Variants in CEP250 observed in about 807,000 individuals in gnomAD.
CEP250 encodes centrosome-associated protein CEP250.
Under a neutral mutation model 315.7 loss-of-function variants are expected in CEP250, and 242 were observed. That is an observed-to-expected ratio of 0.77 (90% confidence interval 0.69 to 0.85). The LOEUF (loss-of-function observed/expected upper bound fraction) is 0.85, where lower values mean the gene tolerates loss of function less well. CEP250 is among the 40% of genes least tolerant of loss of function. CEP250 has a pLI of 0.00. For missense variants in CEP250, 2,515 were observed against 2,886.4 expected, an observed-to-expected ratio of 0.87 and a Z score of 2.95; for synonymous variants, 1,088 against 1,175.0, an observed-to-expected ratio of 0.93 and a Z score of 1.51.
Position 35,505,018 on chromosome 20 carries a change from A to T in CEP250, c.6636+13A>T. 6.3e-7 allele frequency: 1 copy of T among 1,584,534 alleles called. No homozygotes were observed. The highest frequency in any genetic ancestry group is 8.6e-7 in the Non-Finnish European group (1 of 1,162,922). On this transcript the variant is annotated intron_variant, in intron 30 of 34. Coordinates refer to ENST00000397527, the MANE Select transcript of CEP250 (RefSeq NM_007186.6). ...GCAAAGGCTGCAGGTAAGTCACTCCATGGGGAGTAAGGGCCAGGGGACACA... is the reference window on the plus strand; with the variant it reads ...GCAAAGGCTGCAGGTAAGTCACTCCTTGGGGAGTAAGGGCCAGGGGACACA...
intron 21 of CEP250, 51 bp downstream of exon 21, chr20:35,490,855 C>A: frequency 6.3e-7 from 1 of 1,585,554 alleles, no homozygotes; most frequent in Non-Finnish European, 8.6e-7. Context: ...GATCTCCTTA[C>A]CTTGACCACT....
At chr20:35,456,931 G>A (rs528035935) in intron 1 of CEP250, among the ~76,000 whole-genome samples, 6 of 152,050 alleles carry the variant, frequency 3.9e-5, no homozygotes, top group Non-Finnish European at 8.8e-5. Context: ...ACAGGCGCCC[G>A]CCACCGTGCC....
At chr20:35,506,437 A>G (rs1443670911) in intron 30 of CEP250, among the ~76,000 whole-genome samples, 1 of 152,190 alleles carries the variant, frequency 6.6e-6, no homozygotes, top group African/African-American at 2.4e-5. Flanking sequence ...TACCCCCGGT[A>G]CTGAGCACAA....
chr20:35,511,463 A>G lies in CEP250; in HGVS notation c.7166A>G (p.His2389Arg). ...QTSRELAGLH[H>R]SLSHSLLAVA... ...AGCCGTGAGCTAGCAGGCCTGCACCACAGCCTCTCACACTCACTTCTTGCC... is the reference window on the plus strand; with the variant it reads ...AGCCGTGAGCTAGCAGGCCTGCACCGCAGCCTCTCACACTCACTTCTTGCC... Residue 2389 changes from histidine (H) to arginine (R), a missense_variant, in exon 35 of 35, where the codon CAC becomes CGC. His to Arg is a conservative substitution (Grantham distance 29, BLOSUM62 0). Coordinates refer to ENST00000397527, the MANE Select transcript of CEP250 (RefSeq NM_007186.6). The G allele has an allele frequency of 6.2e-7, 1 of 1,614,078 alleles. No homozygotes were observed.
chr20:35,467,943 C>T (rs11906490), intron 9 of CEP250, among the ~76,000 whole-genome samples: 1,877 of 118,006 alleles, frequency 0.016, 63 homozygotes, highest in African/African-American at 0.061. Context: ...AATATTACCT[C>T]TTTTTTTTTT....
chr20:35,503,212 G>A lies in CEP250; in HGVS notation c.4843G>A (p.Glu1615Lys). 1 of 1,614,146 alleles carries A rather than the reference G, an allele frequency of 6.2e-7. No individual in the cohort carries two copies. The highest frequency in any genetic ancestry group is 8.5e-7 in the Non-Finnish European group (1 of 1,180,010). Residue 1615 changes from glutamate to lysine, a missense_variant, in exon 30 of 35, where the codon GAG becomes AAG. Transcript: ENST00000397527. This position sits in a 1 kb window ranked among gnomAD's most constrained non-coding sequence, Gnocchi z 4.2. ...QAQSSQIHDLESHSTVLAREL... is the reference protein window; with the variant it reads ...QAQSSQIHDLKSHSTVLAREL... Reference sequence around the variant, plus strand: ...ACAAAGCAGCCAGATCCATGACCTGGAGAGCCACAGCACCGTTCTGGCAAG... The same window carrying A: ...ACAAAGCAGCCAGATCCATGACCTGAAGAGCCACAGCACCGTTCTGGCAAG...
intron 20 of CEP250, among the ~76,000 whole-genome samples, chr20:35,488,577 C>G (rs2063589268): frequency 6.6e-6 from 1 of 152,110 alleles, no homozygotes; most frequent in South Asian, 2.1e-4. Context: ...GATCCTCCTA[C>G]CTCAGCCTCC....
Position 35,504,312 on chromosome 20 carries a change from G to A in CEP250, c.5943G>A (p.Glu1981=). The change falls in exon 30 of 35, where the codon GAG becomes GAA. Residue 1981 remains glutamate, a synonymous_variant. Transcript: ENST00000397527. ...CTCATGCTGCCCTGCAGGGGAAAGA[G>A]CAGCATCTCCTCGAGCAGGCAGAAT... The part of the protein sequence containing the change: ...GKAHAALQGK[E]QHLLEQAELS... 2 of 1,589,638 alleles carry A rather than the reference G, an allele frequency of 1.3e-6. No homozygotes were observed. Among genetic ancestry groups the A allele is most frequent in the East Asian group, 2.3e-5 (1 of 43,416 alleles).
intron 20 of CEP250, 37 bp from the exon 21 acceptor site, chr20:35,490,600 C>T (rs1471101546): frequency 6.3e-7 from 1 of 1,593,500 alleles, no homozygotes; most frequent in East Asian, 2.2e-5. Context: ...CCCTCCTCAC[C>T]CATTTGGTTC....
At position 35,502,656 on chromosome 20, in the gene CEP250, C is replaced by A. The variant is rs1235198201; in HGVS notation, c.4287C>A (p.Thr1429=). ...AGAATTTGGCCCTCCTGACCCAGAC[C>A]CTAGCTGAAAGAGAAGAGGAGGTGG... ...LQENLALLTQ[T]LAEREEEVET... The change falls in exon 30 of 35, where the codon ACC becomes ACA. Residue 1429 remains threonine (T), a synonymous_variant. Transcript: ENST00000397527. 1 of 1,614,110 alleles carries A rather than the reference C, an allele frequency of 6.2e-7. No homozygotes were observed. The highest frequency in any genetic ancestry group is 8.5e-7 in the Non-Finnish European group (1 of 1,180,050).
chr20:35,479,947 G>C, intron 19 of CEP250, 29 bp from the exon 20 acceptor site: 1 of 1,610,094 alleles, frequency 6.2e-7, no homozygotes, highest in Non-Finnish European at 8.5e-7. Flanking sequence ...GGAGGGGGCG[G>C]AGGCCTGATC....
rs560936952 is a variant in CEP250 at position 35,491,400 on chromosome 20, C to A, written c.2889+54C>A. The A allele has an allele frequency of 2.6e-6, 4 of 1,543,650 alleles. No individual in the cohort carries two copies. The African/African-American group carries it at 4.1e-5, about 16-fold the overall frequency. On this transcript the variant is annotated intron_variant, in intron 22 of 34. Coordinates refer to ENST00000397527, the MANE Select transcript of CEP250 (RefSeq NM_007186.6). ...AGAAAGGGGCACTCATTTACCCATT[C>A]GACCATGAAGGGTTCTTGGGCACTT...
rs1001833688 is a variant in CEP250 at position 35,509,018 on chromosome 20, G to T, written c.6982G>T (p.Ala2328Ser). 5 of 1,557,430 alleles carry T rather than the reference G, an allele frequency of 3.2e-6. No homozygotes were observed. In the African/African-American group the frequency reaches 5.4e-5, roughly 17 times the overall value. The change falls in exon 33 of 35, where the codon GCC becomes TCC. Residue 2328 changes from alanine to serine, a missense_variant. Transcript: ENST00000397527. ...AQAGSLEISK[A>S]TASSPTQQDG... ...GGCAGGGTCCCTAGAGATCAGCAAG[G>T]CCACGGCTTCTTCACCCACACAGCA...
At position 35,515,894 on chromosome 20, in the gene CEP250, T is replaced by C. The variant is rs553156410; in HGVS notation, c.*4268T>C. Reference sequence around the variant, plus strand: ...AAAACATGGGGTCCTGAGGCCCTTTTACTCCCTCTACCCTGCTGGAGGTGA... The same window carrying C: ...AAAACATGGGGTCCTGAGGCCCTTTCACTCCCTCTACCCTGCTGGAGGTGA... On this transcript the variant is annotated 3_prime_UTR_variant, in exon 35 of 35. Transcript: ENST00000397527. 2.4e-4 allele frequency: 37 copies of C among 152,368 alleles called. No homozygotes were observed. The highest frequency in any genetic ancestry group is 8.9e-4 in the African/African-American group (37 of 41,594). 9.4% of individuals were successfully genotyped at this position (152,368 alleles called of 1,614,324 possible). A position where few individuals can be genotyped will look rare whatever the true frequency, so the allele number is the denominator to read the frequency against.
At chr20:35,480,479 C>A (rs530910166) in intron 20 of CEP250, among the ~76,000 whole-genome samples, 9 of 151,548 alleles carry the variant, frequency 5.9e-5, no homozygotes, top group African/African-American at 1.9e-4. Context: ...CAGTTCAGAA[C>A]TGTGTTTTGT....
chr20:35,514,886 G>C lies in CEP250; in HGVS notation c.*3260G>C, dbSNP rs960520479. The C allele has an allele frequency of 4.6e-4, 70 of 152,128 alleles. No individual in the cohort carries two copies. The highest frequency in any genetic ancestry group is 1.5e-3 in the African/African-American group (62 of 41,406). 9.4% of individuals were successfully genotyped at this position (152,128 alleles called of 1,614,324 possible). A position where few individuals can be genotyped will look rare whatever the true frequency, so the allele number is the denominator to read the frequency against. On this transcript the variant is annotated 3_prime_UTR_variant, in exon 35 of 35. Transcript: ENST00000397527. ...TTCTCATGCAGGCCATGAGTATTCG[G>C]GGTGCTTTAAGTGCAGGGGAGTTCT...
intron 20 of CEP250, among the ~76,000 whole-genome samples, chr20:35,485,369 G>C (rs2063479421): frequency 7.1e-6 from 1 of 140,248 alleles, no homozygotes; most frequent in African/African-American, 2.7e-5. Flanking sequence ...GTGAGACTCT[G>C]TCTCAAAAAA....
rs1410062056 is a variant in CEP250 at position 35,501,951 on chromosome 20, G to A, written c.4005G>A (p.Gln1335=). 1 of 1,612,492 alleles carries A rather than the reference G, an allele frequency of 6.2e-7. No homozygotes were observed. Among genetic ancestry groups the A allele is most frequent in the African/African-American group, 1.3e-5 (1 of 74,934 alleles). Residue 1335 remains glutamine, a synonymous_variant, in exon 29 of 35, where the codon CAG becomes CAA. Transcript: ENST00000397527. The stretch of plus-strand genomic sequence containing the variant: ...GTCGCCTGCGGAGAGCAGAGCTACA[G>A]CGAATGGAAGCCCAGGTAAAGTGGT... ...LQSRLRRAEL[Q]RMEAQGEREL... is the part of the protein sequence containing the mutation.
Position 35,511,937 on chromosome 20 carries a change from T to A in CEP250, c.*311T>A, listed in dbSNP as rs1411025328. The stretch of plus-strand genomic sequence containing the variant: ...CTAGCACTTCACCACCTCCTTCATC[T>A]TCTCCTTCAACAATAAACCCTGGGA... On this transcript the variant is annotated 3_prime_UTR_variant, in exon 35 of 35. Coordinates refer to ENST00000397527, the MANE Select transcript of CEP250 (RefSeq NM_007186.6). 8.7e-7 allele frequency: 1 copy of A among 1,151,130 alleles called. No homozygotes were observed. The highest frequency in any genetic ancestry group is 1.6e-5 in the African/African-American group (1 of 62,964). 71.3% of individuals were successfully genotyped at this position (1,151,130 alleles called of 1,614,324 possible). A position where few individuals can be genotyped will look rare whatever the true frequency, so the allele number is the denominator to read the frequency against.
Sources: gnomAD v4.1 joint callset for allele counts (sites outside exome capture counted in the v4.1 genomes callset) on GRCh38, gnomAD v4.1.1 for gene constraint, Gnocchi (gnomAD v3.1) non-coding constraint, MANE v1.5 for transcripts, NCBI Gene and HGNC (gene_info 2026-07-23, HGNC 2026-07-21) for gene names.